The following KIAA1671 variants were observed in gnomAD, a reference collection of about 807,000 sequenced individuals.
KIAA1671 encodes uncharacterized protein KIAA1671.
KIAA1671 carries 52 observed loss-of-function variants against 131.2 expected under a neutral mutation model. The observed-to-expected ratio is 0.40, with a 90% confidence interval of 0.32 to 0.50. The LOEUF (loss-of-function observed/expected upper bound fraction) is 0.50. Among genes scored for constraint, KIAA1671 ranks in the 20% least tolerant of loss-of-function variants. KIAA1671 has a pLI of 0.73. For synonymous variants in KIAA1671, 1,003 were observed against 961.6 expected, an observed-to-expected ratio of 1.04 and a Z score of -0.80; for missense variants, 2,360 against 2,364.2, an observed-to-expected ratio of 1.00 and a Z score of 0.04.
chr22:24,975,310 CT>C (rs113950279), intron 1 of KIAA1671, among the ~76,000 whole-genome samples: 242 of 138,874 alleles, frequency 1.7e-3, no homozygotes, highest in East Asian at 5.9e-3. Context: ...ATCAGTGATT[CT>C]TTTTTTTTTT....
At position 25,039,717 on chromosome 22, in the gene KIAA1671, G is replaced by T; in HGVS notation, c.2587G>T (p.Gly863Trp). The T allele has an allele frequency of 6.7e-7, 1 of 1,503,324 alleles. No individual in the cohort carries two copies. The highest frequency in any genetic ancestry group is 1.3e-5 in the South Asian group (1 of 75,612). 93.1% of individuals were successfully genotyped at this position (1,503,324 alleles called of 1,614,324 possible). The change falls in exon 5 of 13, where the codon GGG becomes TGG. Residue 863 changes from glycine to tryptophan, a missense_variant. Coordinates refer to ENST00000358431, the MANE Select transcript of KIAA1671 (RefSeq NM_001145206.2). ...KAAIWESQHE[G>W]PEGARSKPGV... ...TGCCATCTGGGAAAGCCAGCATGAG[G>T]GGCCAGAGGGGGCCAGAAGCAAGCC... is the stretch of plus-strand genomic sequence containing the variant.
intron 6 of KIAA1671, among the ~76,000 whole-genome samples, chr22:25,137,263 G>A (rs1032533261): frequency 3.3e-5 from 5 of 152,174 alleles, no homozygotes; most frequent in African/African-American, 9.7e-5. Context: ...TTTCCAACAC[G>A]AAATTGTTAC....
At chr22:24,994,236 T>C (rs536535176) in intron 1 of KIAA1671, among the ~76,000 whole-genome samples, 2 of 152,248 alleles carry the variant, frequency 1.3e-5, no homozygotes, top group African/African-American at 4.8e-5. Flanking sequence ...AGTCCTTCTA[T>C]TGTGAGTCAG....
chr22:25,049,419 A>G, intron 6 of KIAA1671, 55 bp downstream of exon 6: 1 of 1,523,652 alleles, frequency 6.6e-7, no homozygotes, highest in Non-Finnish European at 8.9e-7. Context: ...GTTGCTGGAC[A>G]CTGCTGTGAA....
At chr22:25,035,168 C>T (rs1194327548) in intron 4 of KIAA1671, among the ~76,000 whole-genome samples, 1 of 151,764 alleles carries the variant, frequency 6.6e-6, no homozygotes, top group Non-Finnish European at 1.5e-5. Flanking sequence ...CCTCAGCCTC[C>T]TGAGTAGCTG....
intron 6 of KIAA1671, among the ~76,000 whole-genome samples, chr22:25,073,630 C>T (rs1459394171): frequency 6.6e-6 from 1 of 152,210 alleles, no homozygotes; most frequent in Non-Finnish European, 1.5e-5. Context: ...ACATACTCAT[C>T]CTTTAGAACT....
chr22:25,194,601 A>G lies in KIAA1671; in HGVS notation c.*2200A>G, dbSNP rs1313573853. Reference sequence around the variant, plus strand: ...ACACTTGAAAATGAGATTGACCTGGAGATTTTTTTTCCCTAATCTCTCATA... The same window carrying G: ...ACACTTGAAAATGAGATTGACCTGGGGATTTTTTTTCCCTAATCTCTCATA... On this transcript the variant is annotated 3_prime_UTR_variant, in exon 13 of 13. Transcript: ENST00000358431. The G allele has an allele frequency of 6.6e-6, 1 of 152,232 alleles. No homozygotes were observed. The highest frequency in any genetic ancestry group is 1.5e-5 in the Non-Finnish European group (1 of 68,042). 9.4% of individuals were successfully genotyped at this position (152,232 alleles called of 1,614,324 possible).
At position 25,127,715 on chromosome 22, in the gene KIAA1671, A is replaced by G. The variant is rs142872047; in HGVS notation, c.4531-43105A>G. ...AACAGTTAGAGATTTTTCATATGCT[A>G]TGTTGGATTTTCTTTTCCTCTTCTC... On this transcript the variant is annotated intron_variant, in intron 6 of 12. Coordinates refer to ENST00000358431, the MANE Select transcript of KIAA1671 (RefSeq NM_001145206.2). Among the ~76,000 whole-genome samples, 101 of 152,314 alleles carry G rather than the reference A, an allele frequency of 6.6e-4. 1 individual carries two copies. In the East Asian group the frequency reaches 0.016, roughly 24 times the overall value.
chr22:25,146,466 A>T (rs752270861), intron 6 of KIAA1671, among the ~76,000 whole-genome samples: 1 of 152,234 alleles, frequency 6.6e-6, no homozygotes, highest in Non-Finnish European at 1.5e-5. Flanking sequence ...TCATGAAAAC[A>T]TCTGAACAAT....
At position 25,194,042 on chromosome 22, in the gene KIAA1671, C is replaced by T. The variant is rs897962654; in HGVS notation, c.*1641C>T. 1 of 152,084 alleles carries T rather than the reference C, an allele frequency of 6.6e-6. No homozygotes were observed. Among genetic ancestry groups the T allele is most frequent in the African/African-American group, 2.4e-5 (1 of 41,404 alleles). The allele number at this position is 152,084 out of a possible 1,614,324, so 9.4% of individuals were successfully genotyped here. ...ATAATTTTGATCTTATGGCTTTCAA[C>T]GTCAATAGGATCCCCTTTAAAAATA... On this transcript the variant is annotated 3_prime_UTR_variant, in exon 13 of 13. Transcript: ENST00000358431.
At position 25,028,057 on chromosome 22, in the gene KIAA1671, G is replaced by A. The variant is rs1297676369; in HGVS notation, c.58G>A (p.Gly20Ser). 1 of 1,546,474 alleles carries A rather than the reference G, an allele frequency of 6.5e-7. No homozygotes were observed. The highest frequency in any genetic ancestry group is 1.2e-5 in the South Asian group (1 of 83,544). The change falls in exon 3 of 13, where the codon GGT (glycine) becomes AGT (serine). Residue 20 changes from glycine (G) to serine (S), a missense_variant. Gly to Ser is a moderately conservative substitution (Grantham distance 56, BLOSUM62 0). Around this residue, in one of 3 missense-constraint regions of KIAA1671, gnomAD observed 1,185 missense variants for 1,126.2 expected, o/e 1.05. Transcript: ENST00000358431. ...GCCCTTGACGGCCGTGCCAGGCCTG[G>A]GTGAGATGGGCAAGGAGGAGACCCT... is the stretch of plus-strand genomic sequence containing the variant. ...ITPLTAVPGL[G>S]EMGKEETLTR...
Position 25,193,046 on chromosome 22 carries a change from T to C in KIAA1671, c.*645T>C, listed in dbSNP as rs1934719706. 1 of 152,176 alleles carries C rather than the reference T, an allele frequency of 6.6e-6. No homozygotes were observed. The highest frequency in any genetic ancestry group is 6.6e-5 in the Admixed American group (1 of 15,260). The allele number at this position is 152,176 out of a possible 1,614,324, so 9.4% of individuals were successfully genotyped here. A position where few individuals can be genotyped will look rare whatever the true frequency, so the allele number is the denominator to read the frequency against. On this transcript the variant is annotated 3_prime_UTR_variant, in exon 13 of 13. Coordinates refer to ENST00000358431, the MANE Select transcript of KIAA1671 (RefSeq NM_001145206.2). ...GGGCTGTGTGCATCGTTGGCCTATGTTATTGTATGTCATTTTTGTTTGCTT... is the reference window on the plus strand; with the variant it reads ...GGGCTGTGTGCATCGTTGGCCTATGCTATTGTATGTCATTTTTGTTTGCTT...
chr22:25,164,303 G>T (rs915554793), intron 6 of KIAA1671, among the ~76,000 whole-genome samples: 2 of 152,200 alleles, frequency 1.3e-5, no homozygotes, highest in African/African-American at 4.8e-5. Flanking sequence ...CTCACCAGGA[G>T]AACTAAGAGC....
rs1934070866 is a variant in KIAA1671, at chr22:25,177,387, G to C, written c.4939G>C (p.Val1647Leu). The C allele has an allele frequency of 1.3e-5, 20 of 1,551,754 alleles. No homozygotes were observed. Among genetic ancestry groups the C allele is most frequent in the Non-Finnish European group, 1.6e-5 (18 of 1,147,018 alleles). Reference protein sequence around the residue: ...VLDSSALKTRVQLSKRSRRRA... With the variant: ...VLDSSALKTRLQLSKRSRRRA... Reference sequence around the variant, plus strand: ...CGACTCAAGTGCCCTCAAGACCCGGGTGCAGCTCAGCAAGAGAAGCCGCCG... The same window carrying C: ...CGACTCAAGTGCCCTCAAGACCCGGCTGCAGCTCAGCAAGAGAAGCCGCCG... Residue 1647 changes from valine (V) to leucine (L), a missense_variant, in exon 9 of 13, where the codon GTG (valine) becomes CTG (leucine). Val to Leu is a conservative substitution (Grantham distance 32, BLOSUM62 1). Coordinates refer to ENST00000358431, the MANE Select transcript of KIAA1671 (RefSeq NM_001145206.2).
chr22:24,987,406 C>A lies in KIAA1671; in HGVS notation c.-208+34634C>A, dbSNP rs530073573. On this transcript the variant is annotated intron_variant, in intron 1 of 12. Coordinates refer to ENST00000358431, the MANE Select transcript of KIAA1671 (RefSeq NM_001145206.2). ...CAGGATGTTCTCGATCTCCTGACCTCGTGATCCACCCGCCTCGGCCTCTCA... is the reference window on the plus strand; with the variant it reads ...CAGGATGTTCTCGATCTCCTGACCTAGTGATCCACCCGCCTCGGCCTCTCA... 2.6e-5 allele frequency among the ~76,000 whole-genome samples: 4 copies of A among 152,050 alleles called. No homozygotes were observed. In the East Asian group the frequency reaches 7.8e-4, roughly 30 times the overall value.
At chr22:25,168,355 T>G (rs1933716253) in intron 6 of KIAA1671, among the ~76,000 whole-genome samples, 2 of 152,202 alleles carry the variant, frequency 1.3e-5, no homozygotes, top group Admixed American at 1.3e-4. Flanking sequence ...ATATCTGTTG[T>G]GTAATATAAA....
chr22:25,150,790 T>C (rs920621802), intron 6 of KIAA1671, among the ~76,000 whole-genome samples: 10 of 151,512 alleles, frequency 6.6e-5, no homozygotes, highest in African/African-American at 1.9e-4. Flanking sequence ...AAAATCATAA[T>C]GTGTGCGTAA....
Position 25,049,249 on chromosome 22 carries a change from A to T in KIAA1671, c.4415A>T (p.Glu1472Val). The change falls in exon 6 of 13, where the codon GAG (glutamate) becomes GTG (valine). Residue 1472 changes from glutamate to valine, a missense_variant. By Grantham distance (121) the Glu-to-Val change is moderately radical. Coordinates refer to ENST00000358431, the MANE Select transcript of KIAA1671 (RefSeq NM_001145206.2). ...DSHKVLPRDLEKEDAPQEKER... is the reference protein window; with the variant it reads ...DSHKVLPRDLVKEDAPQEKER... ...TTTCAGGTGCTGCCACGGGACCTGGAGAAGGAGGATGCCCCCCAGGAGAAG... is the reference window on the plus strand; with the variant it reads ...TTTCAGGTGCTGCCACGGGACCTGGTGAAGGAGGATGCCCCCCAGGAGAAG... The T allele has an allele frequency of 6.4e-7, 1 of 1,552,010 alleles. No individual in the cohort carries two copies. Among genetic ancestry groups the T allele is most frequent in the African/African-American group, 1.4e-5 (1 of 73,156 alleles).
intron 6 of KIAA1671, among the ~76,000 whole-genome samples, chr22:25,077,483 C>T (rs1265283130): frequency 6.6e-6 from 1 of 152,216 alleles, no homozygotes; most frequent in South Asian, 2.1e-4. Context: ...GCCTCTCCAG[C>T]CCCGCCCAGG....
Sources: allele counts gnomAD v4.1 joint callset (sites outside exome capture counted in the v4.1 genomes callset), GRCh38; gene constraint gnomAD v4.1.1; regional missense constraint gnomAD v4.1.1; transcripts MANE v1.5; gene names NCBI Gene and HGNC (gene_info 2026-07-23, HGNC 2026-07-21).